TMEM255B: variants seen among roughly 807,000 people sequenced by gnomAD.
TMEM255B encodes family with sequence similarity 70, member B.
In TMEM255B, 35 loss-of-function variants were observed where a neutral mutation model predicts 34.5. That is an observed-to-expected ratio of 1.01 (90% CI 0.77 to 1.34). The LOEUF (loss-of-function observed/expected upper bound fraction) is 1.34. Ranked by LOEUF, TMEM255B falls within the 40% of genes most tolerant of loss-of-function variation. TMEM255B has a pLI of 0.00. For synonymous variants in TMEM255B, 206 were observed against 201.2 expected (o/e 1.02, Z -0.20); for missense variants, 432 against 433.2 (o/e 1.00, Z 0.02).
rs990933783 is a variant in TMEM255B, at chr13:113,761,336, C to T, written c.46+2021C>T. On this transcript the variant is annotated intron_variant, in intron 1 of 8. Transcript: ENST00000375353. ...AGGAAGAACCTGACCTCCAGCCTCGCGTGTCTTCCAGGTAGGACCTGGCGT... is the reference window on the plus strand; with the variant it reads ...AGGAAGAACCTGACCTCCAGCCTCGTGTGTCTTCCAGGTAGGACCTGGCGT... The T allele has an allele frequency of 1.7e-5, 17 of 985,350 alleles. No homozygotes were observed. In the South Asian group the frequency reaches 6.1e-4, roughly 35 times the overall value. The allele number at this position is 985,350 out of a possible 1,614,324, so 61.0% of individuals were successfully genotyped here.
chr13:113,780,604 T>C (rs2050652272), intron 3 of TMEM255B, among the ~76,000 whole-genome samples: 1 of 152,254 alleles, frequency 6.6e-6, no homozygotes, highest in South Asian at 2.1e-4. Flanking sequence ...TTCATGTAGT[T>C]AATTCCTGTC....
intron 3 of TMEM255B, among the ~76,000 whole-genome samples, chr13:113,794,897 G>A (rs2050892768): frequency 6.6e-6 from 1 of 152,252 alleles, no homozygotes; most frequent in South Asian, 2.1e-4. Context: ...CGCGTGCCGA[G>A]GGCCCGGGGA....
intron 2 of TMEM255B, among the ~76,000 whole-genome samples, chr13:113,767,701 AAAC>A (rs2140804598): frequency 6.6e-6 from 1 of 152,376 alleles, no homozygotes; most frequent in Admixed American, 6.5e-5. Flanking sequence ...AGCTTCAAGG[AAAC>A]GTGGCTAAGA....
chr13:113,776,592 G>A (rs2050582334), intron 3 of TMEM255B, among the ~76,000 whole-genome samples: 1 of 152,190 alleles, frequency 6.6e-6, no homozygotes, highest in South Asian at 2.1e-4. Flanking sequence ...GCAGGCCCTC[G>A]CCTCAGGACG....
chr13:113,794,996 C>A, intron 3 of TMEM255B, 152 bp from the exon 4 acceptor site: 1 of 693,290 alleles, frequency 1.4e-6, no homozygotes, highest in Non-Finnish European at 2.5e-6. Flanking sequence ...TCCGGCCTGG[C>A]CAGGGCTGGA....
intron 3 of TMEM255B, among the ~76,000 whole-genome samples, chr13:113,772,723 A>G (rs1330088101): frequency 6.6e-6 from 1 of 152,186 alleles, no homozygotes; most frequent in Non-Finnish European, 1.5e-5. Flanking sequence ...CCATACATAT[A>G]TGGTTTATTT....
chr13:113,762,394 G>A (rs1478703042), intron 1 of TMEM255B, among the ~76,000 whole-genome samples: 1 of 152,118 alleles, frequency 6.6e-6, no homozygotes, highest in Non-Finnish European at 1.5e-5. Flanking sequence ...ATTGCTCCCA[G>A]TGCCCCATGT....
chr13:113,760,514 A>G (rs1196051726), intron 1 of TMEM255B, among the ~76,000 whole-genome samples: 1 of 152,192 alleles, frequency 6.6e-6, no homozygotes, highest in African/African-American at 2.4e-5. Flanking sequence ...GTATCTGGGT[A>G]GGATTATGGG....
chr13:113,813,354 A>G lies in TMEM255B; in HGVS notation c.*1451A>G, dbSNP rs2051364968. On this transcript the variant is annotated 3_prime_UTR_variant, in exon 9 of 9. Coordinates refer to ENST00000375353, the MANE Select transcript of TMEM255B (RefSeq NM_182614.4). ...CCCTGCAAAGCCCCCCGTGCCTACG[A>G]TAAACAAGTACCGCTCTTCTCCCGT... is the stretch of plus-strand genomic sequence containing the variant. 1 of 152,166 alleles carries G rather than the reference A, an allele frequency of 6.6e-6. No individual in the cohort carries two copies. The highest frequency in any genetic ancestry group is 2.4e-5 in the African/African-American group (1 of 41,404). 9.4% of individuals were successfully genotyped at this position (152,166 alleles called of 1,614,324 possible). A position where few individuals can be genotyped will look rare whatever the true frequency, so the allele number is the denominator to read the frequency against.
intron 8 of TMEM255B, among the ~76,000 whole-genome samples, chr13:113,809,660 T>G (rs1444875505): frequency 1.4e-5 from 2 of 144,812 alleles, no homozygotes; most frequent in Non-Finnish European, 3.1e-5. Context: ...GGTTCCTGAG[T>G]TTTACTCCGT....
At chr13:113,810,123 G>T (rs1332796378) in intron 8 of TMEM255B, among the ~76,000 whole-genome samples, 3 of 152,162 alleles carry the variant, frequency 2.0e-5, no homozygotes, top group African/African-American at 7.2e-5. Context: ...AGCTCTCCAG[G>T]GAGAGGCTCA....
chr13:113,764,080 C>T (rs1468295305), intron 1 of TMEM255B, among the ~76,000 whole-genome samples: 6 of 149,612 alleles, frequency 4.0e-5, no homozygotes, highest in African/African-American at 7.3e-5. Flanking sequence ...CAAGAAAGGA[C>T]GTGCTCCATG....
At chr13:113,768,317 G>A (rs1303014787) in intron 2 of TMEM255B, 3 of 450,230 alleles carry the variant, frequency 6.7e-6, no homozygotes, top group African/African-American at 6.0e-5. Context: ...AAATTCCTCT[G>A]CCAGGTGGGC....
Position 113,814,707 on chromosome 13 carries a change from A to C in TMEM255B, c.*2804A>C, listed in dbSNP as rs1369540554. On this transcript the variant is annotated 3_prime_UTR_variant, in exon 9 of 9. Transcript: ENST00000375353. ...TGCCAGCCTGAGTCACGGTCTGATGAACCCCCTCTCTGGGCTCCGCTGGGG... is the reference window on the plus strand; with the variant it reads ...TGCCAGCCTGAGTCACGGTCTGATGCACCCCCTCTCTGGGCTCCGCTGGGG... The C allele has an allele frequency of 6.6e-6, 1 of 152,160 alleles. No individual in the cohort carries two copies. Among genetic ancestry groups the C allele is most frequent in the African/African-American group, 2.4e-5 (1 of 41,390 alleles). 9.4% of individuals were successfully genotyped at this position (152,160 alleles called of 1,614,324 possible).
At chr13:113,799,981 AGAG>A (rs1220050409) in intron 5 of TMEM255B, 31 of 1,264,774 alleles carry the variant, frequency 2.5e-5, no homozygotes, top group Admixed American at 1.7e-4. Context: ...CACGCGTGTC[AGAG>A]GAGGAGGAGC....
chr13:113,786,271 C>T (rs1000599956), intron 3 of TMEM255B, among the ~76,000 whole-genome samples: 19 of 151,842 alleles, frequency 1.3e-4, no homozygotes, highest in African/African-American at 4.6e-4. Flanking sequence ...TCACTGTCAT[C>T]ACCATTGTCA....
chr13:113,766,697 C>A (rs750870236), intron 2 of TMEM255B, among the ~76,000 whole-genome samples: 11 of 152,196 alleles, frequency 7.2e-5, no homozygotes, highest in Non-Finnish European at 1.3e-4. Context: ...GGTCGACCAC[C>A]ATAGCCCATG....
intron 7 of TMEM255B, among the ~76,000 whole-genome samples, chr13:113,802,776 G>A (rs1176481418): frequency 1.3e-5 from 2 of 148,276 alleles, no homozygotes; most frequent in African/African-American, 4.9e-5. Flanking sequence ...CTGGCATCCC[G>A]AGGTCCAGCC....
Position 113,806,839 on chromosome 13 carries a change from C to T in TMEM255B, c.813+1811C>T, listed in dbSNP as rs77113653. On this transcript the variant is annotated intron_variant, in intron 8 of 8. Coordinates refer to ENST00000375353, the MANE Select transcript of TMEM255B (RefSeq NM_182614.4). This position sits in a 1 kb window ranked among gnomAD's most constrained non-coding sequence, Gnocchi z 4.2. ...CCCGCAGGGGTAGAAGGAGGAGGCCCGCAGGGGCAGAGGTATCTCCAGGGA... is the reference window on the plus strand; with the variant it reads ...CCCGCAGGGGTAGAAGGAGGAGGCCTGCAGGGGCAGAGGTATCTCCAGGGA... Among the ~76,000 whole-genome samples the T allele has an allele frequency of 0.076, 10,447 of 137,556 alleles. 445 individuals carry two copies. Among genetic ancestry groups the T allele is most frequent in the Admixed American group, 0.14 (2,031 of 14,344 alleles). 90.2% of individuals were successfully genotyped at this position (137,556 alleles called of 152,430 possible). A position where few individuals can be genotyped will look rare whatever the true frequency, so the allele number is the denominator to read the frequency against.
Sources: allele counts gnomAD v4.1 joint callset (sites outside exome capture counted in the v4.1 genomes callset), GRCh38; gene constraint gnomAD v4.1.1; non-coding constraint Gnocchi (gnomAD v3.1); transcripts MANE v1.5; gene names NCBI Gene and HGNC (gene_info 2026-07-23, HGNC 2026-07-21).